Variants in BRINP2 observed in about 807,000 individuals in gnomAD.
BRINP2 encodes BMP/retinoic acid-inducible neural-specific protein 2.
In BRINP2, 21 loss-of-function variants were observed where a neutral mutation model predicts 69.2. The ratio of observed to expected loss-of-function variants is 0.30; its 90% CI spans 0.22 to 0.44. The LOEUF is 0.44. BRINP2 is among the 20% of genes least tolerant of loss of function. BRINP2 has a pLI of 1.00. For missense variants in BRINP2, 877 were observed against 986.0 expected, an observed-to-expected ratio of 0.89 and a Z score of 1.48; for synonymous variants, 380 against 394.1, an observed-to-expected ratio of 0.96 and a Z score of 0.42.
At position 177,183,900 on chromosome 1, in the gene BRINP2, G is replaced by T. The variant is rs12048055; in HGVS notation, c.-77+12168G>T. Reference sequence around the variant, plus strand: ...CATGTTTTCCATTACTGCTAGATAGGGAAAAGAGACTGCATATGAAAGTAA... The same window carrying T: ...CATGTTTTCCATTACTGCTAGATAGTGAAAAGAGACTGCATATGAAAGTAA... On this transcript the variant is annotated intron_variant, in intron 1 of 7. Transcript: ENST00000361539. Among the ~76,000 whole-genome samples, 300 of 152,238 alleles carry T rather than the reference G, an allele frequency of 2.0e-3. 1 individual carries two copies. In the East Asian group the frequency reaches 0.047, roughly 24 times the overall value.
intron 1 of BRINP2, among the ~76,000 whole-genome samples, chr1:177,186,118 T>G (rs940975560): frequency 6.6e-6 from 1 of 152,208 alleles, no homozygotes; most frequent in Non-Finnish European, 1.5e-5. Flanking sequence ...TAAATTGGGT[T>G]GAAGATCTGG....
At chr1:177,192,908 G>A (rs950991979) in intron 1 of BRINP2, among the ~76,000 whole-genome samples, 5 of 152,182 alleles carry the variant, frequency 3.3e-5, no homozygotes, top group Non-Finnish European at 7.4e-5. Flanking sequence ...AGATTTAGGA[G>A]CTATCTAAGA....
intron 1 of BRINP2, among the ~76,000 whole-genome samples, chr1:177,211,792 G>A (rs965717482): frequency 3.9e-5 from 6 of 152,010 alleles, no homozygotes; most frequent in Non-Finnish European, 7.4e-5. Context: ...TTTTTTCTCT[G>A]TATAAGTGTT....
chr1:177,231,285 T>C (rs985356487), intron 2 of BRINP2, among the ~76,000 whole-genome samples: 1 of 152,206 alleles, frequency 6.6e-6, no homozygotes, highest in Non-Finnish European at 1.5e-5. Context: ...AGCTAGTGAA[T>C]AGTGGAGCCA....
At chr1:177,232,334 C>T (rs148828302) in intron 2 of BRINP2, among the ~76,000 whole-genome samples, 6 of 152,278 alleles carry the variant, frequency 3.9e-5, no homozygotes, top group African/African-American at 1.4e-4. Context: ...GCACCATCAA[C>T]TGTTCTATCA....
chr1:177,280,387 C>G, intron 7 of BRINP2, 25 bp from the exon 8 acceptor site: 1 of 1,560,764 alleles, frequency 6.4e-7, no homozygotes, highest in South Asian at 1.2e-5. Context: ...TTGACTCTTA[C>G]TTCATTTTAT....
chr1:177,256,166 A>C, intron 3 of BRINP2, 57 bp downstream of exon 3: 1 of 1,576,920 alleles, frequency 6.3e-7, no homozygotes, highest in East Asian at 2.2e-5. Context: ...AAATAACGTT[A>C]AGACTCGTGT....
At chr1:177,177,612 T>C (rs917564155) in intron 1 of BRINP2, among the ~76,000 whole-genome samples, 22 of 151,782 alleles carry the variant, frequency 1.4e-4, no homozygotes, top group African/African-American at 4.9e-4. Context: ...TTCTAATCCT[T>C]CTCTTTCTAT....
intron 1 of BRINP2, among the ~76,000 whole-genome samples, chr1:177,174,210 G>A (rs1648022138): frequency 6.6e-6 from 1 of 152,198 alleles, no homozygotes; most frequent in Admixed American, 6.5e-5. Flanking sequence ...TGTGGAATTG[G>A]ATCTGGGTCT....
intron 1 of BRINP2, among the ~76,000 whole-genome samples, chr1:177,225,356 C>T (rs773499362): frequency 3.3e-5 from 5 of 152,142 alleles, no homozygotes; most frequent in Non-Finnish European, 7.3e-5. Flanking sequence ...GATGTAAAAC[C>T]GTCTTAAGTG....
At chr1:177,192,158 G>C (rs1468432773) in intron 1 of BRINP2, among the ~76,000 whole-genome samples, 3 of 152,162 alleles carry the variant, frequency 2.0e-5, no homozygotes, top group Non-Finnish European at 4.4e-5. Flanking sequence ...AGACATAATA[G>C]GGGTCTCCTG....
chr1:177,178,086 C>T (rs911373016), intron 1 of BRINP2, among the ~76,000 whole-genome samples: 2 of 152,146 alleles, frequency 1.3e-5, no homozygotes, highest in Non-Finnish European at 2.9e-5. Context: ...CAGGGTCTAC[C>T]TCCTAATGAT....
chr1:177,273,658 C>A, intron 5 of BRINP2, 65 bp downstream of exon 5: 2 of 1,025,150 alleles, frequency 2.0e-6, no homozygotes, highest in Non-Finnish European at 1.4e-6. Context: ...ATTCCTAGAT[C>A]AAATAGCGGG....
At chr1:177,208,904 G>A (rs1186020908) in intron 1 of BRINP2, among the ~76,000 whole-genome samples, 1 of 152,144 alleles carries the variant, frequency 6.6e-6, no homozygotes, top group Non-Finnish European at 1.5e-5. Flanking sequence ...AGAAATGTAC[G>A]TGATCAGGCA....
intron 4 of BRINP2, among the ~76,000 whole-genome samples, chr1:177,269,813 T>C (rs1383642980): frequency 6.6e-6 from 1 of 152,132 alleles, no homozygotes; most frequent in African/African-American, 2.4e-5. Flanking sequence ...TTGGAAGTGC[T>C]AATGAACCTG....
intron 4 of BRINP2, among the ~76,000 whole-genome samples, chr1:177,261,444 C>T (rs1650952520): frequency 6.6e-6 from 1 of 152,202 alleles, no homozygotes; most frequent in Non-Finnish European, 1.5e-5. Context: ...TAAAGATTTA[C>T]TGCAAGATTT....
chr1:177,204,526 T>C (rs967362163), intron 1 of BRINP2, among the ~76,000 whole-genome samples: 1 of 151,968 alleles, frequency 6.6e-6, no homozygotes, highest in Non-Finnish European at 1.5e-5. Context: ...TAAGAAAATA[T>C]GTTTAAGAAA....
At chr1:177,268,607 G>A (rs1056634523) in intron 4 of BRINP2, among the ~76,000 whole-genome samples, 1 of 152,032 alleles carries the variant, frequency 6.6e-6, no homozygotes, top group Non-Finnish European at 1.5e-5. Context: ...CCCTCTGTTG[G>A]AAGGTTTACC....
chr1:177,238,642 T>C (rs893728503), intron 2 of BRINP2, among the ~76,000 whole-genome samples: 1 of 152,172 alleles, frequency 6.6e-6, no homozygotes, highest in Admixed American at 6.5e-5. Context: ...TTGAGAAATA[T>C]GGATGATAAC....
Sources: allele counts gnomAD v4.1 joint callset (sites outside exome capture counted in the v4.1 genomes callset), GRCh38; gene constraint gnomAD v4.1.1; transcripts MANE v1.5; gene names NCBI Gene and HGNC (gene_info 2026-07-23, HGNC 2026-07-21).